The following VAV3 variants were observed in gnomAD, a reference collection of about 807,000 sequenced individuals.
VAV3 encodes guanine nucleotide exchange factor VAV3.
In VAV3, 94 loss-of-function variants were observed where a neutral mutation model predicts 131.2. The observed-to-expected ratio is 0.72, with a 90% confidence interval of 0.61 to 0.85. The LOEUF is 0.85. Ranked by LOEUF, VAV3 falls within the 40% of genes least tolerant of loss-of-function variation. The pLI is 0.00. For missense variants in VAV3, 939 were observed against 1,002.7 expected, an observed-to-expected ratio of 0.94 and a Z score of 0.86; for synonymous variants, 349 against 342.0, an observed-to-expected ratio of 1.02 and a Z score of -0.22.
At chr1:107,641,466 A>G (rs1655330524) in intron 20 of VAV3, among the ~76,000 whole-genome samples, 1 of 152,184 alleles carries the variant, frequency 6.6e-6, no homozygotes, top group Non-Finnish European at 1.5e-5. Context: ...TTTCTAACAT[A>G]CACATGAAAT....
intron 7 of VAV3, among the ~76,000 whole-genome samples, chr1:107,767,432 A>G (rs1221166130): frequency 6.6e-6 from 1 of 152,186 alleles, no homozygotes; most frequent in Non-Finnish European, 1.5e-5. Context: ...GTGGGCTCTA[A>G]GTTATAAAGA....
At chr1:107,836,553 G>A (rs1378541763) in intron 2 of VAV3, among the ~76,000 whole-genome samples, 1 of 152,014 alleles carries the variant, frequency 6.6e-6, no homozygotes, top group Non-Finnish European at 1.5e-5. Context: ...AAAACTAGCA[G>A]AAGAAAAGAA....
chr1:107,890,208 C>G (rs954051340), intron 1 of VAV3, among the ~76,000 whole-genome samples: 6 of 152,078 alleles, frequency 3.9e-5, no homozygotes, highest in Non-Finnish European at 7.4e-5. Flanking sequence ...ACAGTGCTAA[C>G]CATTACACTA....
At chr1:107,815,270 C>T (rs149518910) in intron 2 of VAV3, among the ~76,000 whole-genome samples, 6 of 152,246 alleles carry the variant, frequency 3.9e-5, no homozygotes, top group African/African-American at 1.4e-4. Context: ...GACTCAAGAC[C>T]TGCTTTCTGT....
At chr1:107,809,131 A>G (rs1667200127) in intron 2 of VAV3, among the ~76,000 whole-genome samples, 1 of 152,154 alleles carries the variant, frequency 6.6e-6, no homozygotes, top group African/African-American at 2.4e-5. Context: ...TCTCCCACCT[A>G]AAGAGATTTT....
intron 15 of VAV3, among the ~76,000 whole-genome samples, chr1:107,732,813 G>A (rs560108460): frequency 3.9e-5 from 6 of 152,276 alleles, no homozygotes; most frequent in South Asian, 2.1e-4. Context: ...CAGCAGAAAC[G>A]TTTGCAGACT....
intron 2 of VAV3, among the ~76,000 whole-genome samples, chr1:107,848,938 A>T (rs1669100629): frequency 6.6e-6 from 1 of 152,196 alleles, no homozygotes; most frequent in Non-Finnish European, 1.5e-5. Context: ...TCAGACAAAC[A>T]GAGAGACAAA....
intron 1 of VAV3, among the ~76,000 whole-genome samples, chr1:107,961,603 CTAAA>C (rs1356381792): frequency 1.3e-5 from 2 of 152,116 alleles, no homozygotes; most frequent in Non-Finnish European, 1.5e-5. Flanking sequence ...AAATGTATAA[CTAAA>C]TATGATTAAT....
chr1:107,683,012 T>C (rs1170376439), intron 19 of VAV3, among the ~76,000 whole-genome samples: 1 of 152,196 alleles, frequency 6.6e-6, no homozygotes, highest in Non-Finnish European at 1.5e-5. Context: ...GAGAGGAAAC[T>C]TGTCACAAAG....
At chr1:107,865,451 A>G (rs1414620687) in intron 2 of VAV3, among the ~76,000 whole-genome samples, 1 of 152,238 alleles carries the variant, frequency 6.6e-6, no homozygotes, top group South Asian at 2.1e-4. Context: ...ACAAGGGACT[A>G]AAGGGAATGA....
At chr1:107,583,778 A>G (rs1008165254) in intron 25 of VAV3, among the ~76,000 whole-genome samples, 2 of 152,240 alleles carry the variant, frequency 1.3e-5, no homozygotes, top group Non-Finnish European at 2.9e-5. Flanking sequence ...ATGGAAGAAC[A>G]TTCCATGTTC....
At chr1:107,617,881 C>T (rs1172081783) in intron 20 of VAV3, among the ~76,000 whole-genome samples, 1 of 152,102 alleles carries the variant, frequency 6.6e-6, no homozygotes, top group Non-Finnish European at 1.5e-5. Context: ...TTTCAATCTA[C>T]CCTTCAATTT....
rs566563164 is a variant in VAV3 at position 107,846,123 on chromosome 1, G to A, written c.321+28778C>T. 3.7e-3 allele frequency among the ~76,000 whole-genome samples: 565 copies of A among 152,300 alleles called. 1 individual carries two copies. The highest frequency in any genetic ancestry group is 0.013 in the African/African-American group (531 of 41,552). The stretch of plus-strand genomic sequence containing the variant: ...CTCTCTGCAGAAACTCTAGAAACCA[G>A]AAGAGAGTGGGGGCCAATATTCAAC... On this transcript the variant is annotated intron_variant, in intron 2 of 26. Transcript: ENST00000370056.
At chr1:107,793,766 T>C (rs1474952927) in intron 2 of VAV3, among the ~76,000 whole-genome samples, 1 of 152,084 alleles carries the variant, frequency 6.6e-6, no homozygotes, top group Non-Finnish European at 1.5e-5. Flanking sequence ...CAAACAGGAG[T>C]ATGTTAAGAA....
intron 1 of VAV3, among the ~76,000 whole-genome samples, chr1:107,905,855 C>T (rs771914774): frequency 3.3e-5 from 5 of 151,966 alleles, no homozygotes; most frequent in Non-Finnish European, 5.9e-5. Context: ...GTTAAAGATA[C>T]ATGTAATAAT....
At position 107,573,014 on chromosome 1, in the gene VAV3, GA is replaced by G. The variant is rs1221018719; in HGVS notation, c.*316del. ...GACTGGCATTCATGGTATCTGACCA[GA>G]AGAAGTAAAGGGAAGCACGAACCAA... On this transcript the variant is annotated 3_prime_UTR_variant, in exon 27 of 27. Coordinates refer to ENST00000370056, the MANE Select transcript of VAV3 (RefSeq NM_006113.5). 3 of 341,878 alleles carry G rather than the reference GA, an allele frequency of 8.8e-6. No homozygotes were observed. The highest frequency in any genetic ancestry group is 6.3e-5 in the African/African-American group (3 of 47,520). 21.2% of individuals were successfully genotyped at this position (341,878 alleles called of 1,614,324 possible).
At chr1:107,947,639 A>T (rs1441737251) in intron 1 of VAV3, among the ~76,000 whole-genome samples, 2 of 152,220 alleles carry the variant, frequency 1.3e-5, no homozygotes, top group African/African-American at 4.8e-5. Context: ...ACAGCCATTC[A>T]CCTAATGGTG....
In VAV3 at chr1:107,964,822, C is replaced by A. The variant is rs1430547947; in HGVS notation, c.48G>T (p.Val16=). 1.2e-6 allele frequency: 2 copies of A among 1,613,706 alleles called. No homozygotes were observed. The highest frequency in any genetic ancestry group is 1.7e-6 in the Non-Finnish European group (2 of 1,179,920). Residue 16 remains valine (V), a synonymous_variant, in exon 1 of 27, where the codon GTG becomes GTT. Transcript: ENST00000370056. ...QCAQWLIHCK[V]LPTNHRVTWD... ...AGGTCACCCGGTGGTTGGTGGGCAG[C>A]ACCTTGCAATGGATGAGCCACTGCG... is the stretch of plus-strand genomic sequence containing the variant.
rs1326431881 is a variant in VAV3 at position 107,669,280 on chromosome 1, G to GT, written c.1777+14207dup. ...GGATCTCTTCTTTATCCTTCGCTGT[G>GT]TAAGTGGGGACAAAAAGAGCTACCC... is the stretch of plus-strand genomic sequence containing the variant. On this transcript the variant is annotated intron_variant, in intron 19 of 26. Transcript: ENST00000370056. 5.5e-6 allele frequency: 7 copies of GT among 1,282,240 alleles called. No homozygotes were observed. In the African/African-American group the frequency reaches 9.2e-5, roughly 17 times the overall value. The allele number at this position is 1,282,240 out of a possible 1,614,324, so 79.4% of individuals were successfully genotyped here. A position where few individuals can be genotyped will look rare whatever the true frequency, so the allele number is the denominator to read the frequency against.
Sources: gnomAD v4.1 joint callset for allele counts (sites outside exome capture counted in the v4.1 genomes callset) on GRCh38, gnomAD v4.1.1 for gene constraint, MANE v1.5 for transcripts, NCBI Gene and HGNC (gene_info 2026-07-23, HGNC 2026-07-21) for gene names.